The following CNTLN variants were observed in gnomAD, a reference collection of about 807,000 sequenced individuals.
The protein encoded by CNTLN is centlein, also known as centlein, centrosomal protein.
In CNTLN, 212 loss-of-function variants were observed where a neutral mutation model predicts 180.0. The ratio of observed to expected loss-of-function variants is 1.18; its 90% CI spans 1.05 to 1.32. The LOEUF (loss-of-function observed/expected upper bound fraction) is 1.32, where lower values mean the gene tolerates loss of function less well. Ranked by LOEUF, CNTLN falls within the 40% of genes most tolerant of loss-of-function variation. The pLI is 0.00. For synonymous variants in CNTLN, 722 were observed against 563.1 expected (o/e 1.28, Z -3.99); for missense variants, 2,095 against 1,610.9 (o/e 1.30, Z -5.14).
intron 7 of CNTLN, among the ~76,000 whole-genome samples, chr9:17,308,044 G>A (rs1210275553): frequency 6.7e-6 from 1 of 149,246 alleles, no homozygotes; most frequent in African/African-American, 2.5e-5. Flanking sequence ...CACTTTTCTA[G>A]TGTCAGCCAC....
intron 2 of CNTLN, among the ~76,000 whole-genome samples, chr9:17,198,437 A>T (rs1262887274): frequency 1.2e-5 from 1 of 82,804 alleles, no homozygotes; most frequent in African/African-American, 4.8e-5. Flanking sequence ...TCAGTGTTCT[A>T]TAGTTTTCAT....
At chr9:17,358,948 A>G (rs554996797) in intron 12 of CNTLN, among the ~76,000 whole-genome samples, 127 of 152,314 alleles carry the variant, frequency 8.3e-4, no homozygotes, top group African/African-American at 3.0e-3. Context: ...AAGCTTTTAG[A>G]GGAAAACATA....
intron 2 of CNTLN, 144 bp from the exon 3 acceptor site, chr9:17,226,059 T>C: frequency 2.3e-6 from 1 of 433,216 alleles, no homozygotes; most frequent in Non-Finnish European, 4.1e-6. Flanking sequence ...TTTCAGCAGT[T>C]GTAAGTTGCT....
chr9:17,150,501 T>C, intron 2 of CNTLN, among the ~76,000 whole-genome samples: 1 of 152,204 alleles, frequency 6.6e-6, no homozygotes, highest in East Asian at 1.9e-4. Context: ...TTCTGTTCCA[T>C]TGGTCTATAT....
At chr9:17,260,039 G>T (rs1365311832) in intron 5 of CNTLN, among the ~76,000 whole-genome samples, 12 of 143,398 alleles carry the variant, frequency 8.4e-5, no homozygotes, top group African/African-American at 3.4e-4. Context: ...GTTTGGTCTT[G>T]CTTTTCTAGT....
intron 6 of CNTLN, among the ~76,000 whole-genome samples, chr9:17,295,495 C>T (rs543216979): frequency 6.6e-6 from 1 of 152,156 alleles, no homozygotes; most frequent in Non-Finnish European, 1.5e-5. Context: ...TTTCCTTGCT[C>T]TCTGTGGGTT....
At chr9:17,237,728 G>A (rs1172494202) in intron 5 of CNTLN, among the ~76,000 whole-genome samples, 1 of 151,794 alleles carries the variant, frequency 6.6e-6, no homozygotes, top group East Asian at 1.9e-4. Flanking sequence ...ACTGAGGGAC[G>A]ATGGTAATAT....
At chr9:17,255,815 C>A (rs1016789455) in intron 5 of CNTLN, among the ~76,000 whole-genome samples, 1 of 151,808 alleles carries the variant, frequency 6.6e-6, no homozygotes, top group African/African-American at 2.4e-5. Flanking sequence ...TTTTTGATTA[C>A]TGATTCAGTC....
intron 19 of CNTLN, among the ~76,000 whole-genome samples, 156 bp downstream of exon 19, chr9:17,457,871 G>A (rs1310925288): frequency 6.6e-6 from 1 of 151,838 alleles, no homozygotes; most frequent in Non-Finnish European, 1.5e-5. Context: ...TTTTTAGCCT[G>A]GTAGATTCTT....
intron 2 of CNTLN, among the ~76,000 whole-genome samples, chr9:17,153,962 G>A (rs1366703800): frequency 6.6e-6 from 1 of 152,074 alleles, no homozygotes; most frequent in Non-Finnish European, 1.5e-5. Flanking sequence ...TGATACTTGT[G>A]TAGTCTTCGC....
At chr9:17,298,713 C>G (rs1008575203) in intron 7 of CNTLN, 6 of 994,012 alleles carry the variant, frequency 6.0e-6, no homozygotes, top group Non-Finnish European at 7.2e-6. Flanking sequence ...GTATGGCAGA[C>G]TTTCATTGTA....
chr9:17,439,797 C>G (rs944407145), intron 18 of CNTLN, among the ~76,000 whole-genome samples: 21 of 152,124 alleles, frequency 1.4e-4, no homozygotes, highest in African/African-American at 4.8e-4. Context: ...GATTAATGCC[C>G]TTATAAAAAG....
At chr9:17,336,855 G>A (rs1023626052) in intron 10 of CNTLN, among the ~76,000 whole-genome samples, 1 of 152,102 alleles carries the variant, frequency 6.6e-6, no homozygotes, top group Admixed American at 6.6e-5. Flanking sequence ...GGGTCAAATG[G>A]TATTTCTGGT....
At position 17,249,345 on chromosome 9, in the gene CNTLN, G is replaced by GTTTTT. The variant is rs558059269; in HGVS notation, c.849+12761_849+12765dup. On this transcript the variant is annotated intron_variant, in intron 5 of 25. Coordinates refer to ENST00000380647, the MANE Select transcript of CNTLN (RefSeq NM_017738.4). The stretch of plus-strand genomic sequence containing the variant: ...TCTTTGATCCATTGGTTCTTTGATT[G>GTTTTT]TTTTTTTTGTTTTTTTTTTTTGAGC... Among the ~76,000 whole-genome samples, 307 of 124,870 alleles carry GTTTTT rather than the reference G, an allele frequency of 2.5e-3. 20 individuals are homozygous for GTTTTT. Among genetic ancestry groups the GTTTTT allele is most frequent in the Middle Eastern group, 4.5e-3 (1 of 220 alleles). The allele number at this position is 124,870 out of a possible 152,430, so 81.9% of individuals were successfully genotyped here.
chr9:17,517,661 G>T, the CNTLN span, among the ~76,000 whole-genome samples: 1 of 152,048 alleles, frequency 6.6e-6, no homozygotes, highest in Non-Finnish European at 1.5e-5. Flanking sequence ...ACCACCAGGA[G>T]CTAGAACAGA....
chr9:17,267,800 C>T (rs941320551), intron 5 of CNTLN, among the ~76,000 whole-genome samples: 1 of 152,192 alleles, frequency 6.6e-6, no homozygotes, highest in Non-Finnish European at 1.5e-5. Context: ...CATCTTCCAT[C>T]ACTGATACCC....
At chr9:17,143,173 G>T in intron 1 of CNTLN, 115 bp from the exon 2 acceptor site, 1 of 674,760 alleles carries the variant, frequency 1.5e-6, no homozygotes. Flanking sequence ...ATCAGTTGAT[G>T]TAGTTATACA....
intron 7 of CNTLN, among the ~76,000 whole-genome samples, chr9:17,308,228 ATAAACT>A (rs1367974842): frequency 6.9e-6 from 1 of 144,178 alleles, no homozygotes; most frequent in Non-Finnish European, 1.5e-5. Context: ...CATAGTTTTA[ATAAACT>A]TAAATTTATT....
intron 2 of CNTLN, among the ~76,000 whole-genome samples, chr9:17,161,839 T>A (rs995777966): frequency 2.9e-4 from 44 of 152,334 alleles, no homozygotes; most frequent in African/African-American, 9.9e-4. Flanking sequence ...ATTACTGTGT[T>A]TCTTTGCTGC....
Sources: allele counts gnomAD v4.1 joint callset (sites outside exome capture counted in the v4.1 genomes callset), GRCh38; gene constraint gnomAD v4.1.1; transcripts MANE v1.5; gene names NCBI Gene and HGNC (gene_info 2026-07-23, HGNC 2026-07-21).